The following SGCZ variants were observed in gnomAD, a reference collection of about 807,000 sequenced individuals.
The protein encoded by SGCZ is sarcoglycan zeta.
Under a neutral mutation model 41.3 loss-of-function variants are expected in SGCZ, and 40 were observed. The observed-to-expected ratio is 0.97, with a 90% confidence interval of 0.75 to 1.26. SGCZ has a LOEUF of 1.26. SGCZ is among the 50% of genes most tolerant of loss of function. The pLI is 0.00. For synonymous variants in SGCZ, 206 were observed against 137.5 expected (o/e 1.50, Z -3.49); for missense variants, 552 against 369.8 (o/e 1.49, Z -4.04).
intron 1 of SGCZ, among the ~76,000 whole-genome samples, chr8:14,759,528 C>G (rs565828348): frequency 6.6e-6 from 1 of 152,216 alleles, no homozygotes; most frequent in East Asian, 1.9e-4. Flanking sequence ...TCACAGAATG[C>G]TTTTCTACAT....
intron 1 of SGCZ, among the ~76,000 whole-genome samples, chr8:15,107,738 T>C (rs577321418): frequency 3.2e-4 from 49 of 152,290 alleles, no homozygotes; most frequent in African/African-American, 1.1e-3. Context: ...AAGTTCTCCA[T>C]ACCTCAATGT....
At chr8:15,101,974 T>C (rs929842137) in intron 1 of SGCZ, among the ~76,000 whole-genome samples, 3 of 152,160 alleles carry the variant, frequency 2.0e-5, no homozygotes, top group African/African-American at 4.8e-5. Flanking sequence ...TTGGCAGTTT[T>C]CTACAGAGCT....
At chr8:14,552,095 T>C (rs1373604410) in intron 2 of SGCZ, among the ~76,000 whole-genome samples, 1 of 152,022 alleles carries the variant, frequency 6.6e-6, no homozygotes, top group Admixed American at 6.6e-5. Context: ...CATGATTTTC[T>C]ACTTCTTACT....
intron 1 of SGCZ, among the ~76,000 whole-genome samples, chr8:15,016,774 T>C (rs1044272259): frequency 1.3e-5 from 2 of 152,196 alleles, no homozygotes; most frequent in South Asian, 2.1e-4. Context: ...CTGCAGGCTG[T>C]ATAAGCATGG....
intron 5 of SGCZ, among the ~76,000 whole-genome samples, chr8:14,142,968 G>A (rs188271124): frequency 8.2e-4 from 123 of 149,766 alleles, no homozygotes; most frequent in African/African-American, 2.7e-3. Flanking sequence ...CTGTGGAACC[G>A]TGAGCCAATA....
At chr8:14,737,000 TAAA>T (rs1799056058) in intron 1 of SGCZ, among the ~76,000 whole-genome samples, 1 of 151,182 alleles carries the variant, frequency 6.6e-6, no homozygotes, top group Non-Finnish European at 1.5e-5. Flanking sequence ...AACAAGTGGA[TAAA>T]GAAACTCTGG....
At chr8:14,973,398 A>G (rs1333012765) in intron 1 of SGCZ, among the ~76,000 whole-genome samples, 2 of 152,136 alleles carry the variant, frequency 1.3e-5, no homozygotes, top group African/African-American at 4.8e-5. Flanking sequence ...CAACTAGCAA[A>G]CATAAGTGGG....
intron 1 of SGCZ, among the ~76,000 whole-genome samples, chr8:14,730,558 A>T (rs1357602202): frequency 6.7e-6 from 1 of 148,748 alleles, no homozygotes; most frequent in Non-Finnish European, 1.5e-5. Flanking sequence ...ACAACATACA[A>T]CCCTAAAAGA....
intron 1 of SGCZ, among the ~76,000 whole-genome samples, chr8:14,716,928 C>T (rs889409028): frequency 5.9e-5 from 9 of 151,880 alleles, no homozygotes; most frequent in African/African-American, 2.2e-4. Context: ...TAATACAATG[C>T]AATTATATTT....
At chr8:15,177,859 T>G (rs1321356555) in intron 1 of SGCZ, among the ~76,000 whole-genome samples, 1 of 152,160 alleles carries the variant, frequency 6.6e-6, no homozygotes, top group Non-Finnish European at 1.5e-5. Context: ...GTCTAGACAC[T>G]TGGGGAAGCT....
chr8:14,387,522 G>C (rs936030176), intron 2 of SGCZ, among the ~76,000 whole-genome samples: 19 of 152,102 alleles, frequency 1.2e-4, no homozygotes, highest in African/African-American at 4.1e-4. Context: ...ATCATTGCTG[G>C]TAATTTTATT....
chr8:15,145,942 C>T (rs980767523), intron 1 of SGCZ, among the ~76,000 whole-genome samples: 7 of 151,986 alleles, frequency 4.6e-5, no homozygotes, highest in African/African-American at 7.2e-5. Context: ...TGTATAAACT[C>T]CAAAAAGGCA....
chr8:14,874,410 T>G (rs1804272594), intron 1 of SGCZ, among the ~76,000 whole-genome samples: 1 of 152,158 alleles, frequency 6.6e-6, no homozygotes, highest in African/African-American at 2.4e-5. Flanking sequence ...AGATTATTTT[T>G]AATTTTAACT....
intron 2 of SGCZ, among the ~76,000 whole-genome samples, chr8:14,429,111 T>C (rs911874109): frequency 6.6e-6 from 1 of 152,220 alleles, no homozygotes; most frequent in South Asian, 2.1e-4. Flanking sequence ...CAGAACATTA[T>C]AGTCAGATCT....
chr8:14,802,049 C>T (rs920294329), intron 1 of SGCZ, among the ~76,000 whole-genome samples: 2 of 152,090 alleles, frequency 1.3e-5, no homozygotes, highest in African/African-American at 4.8e-5. Flanking sequence ...GGAAGATGAA[C>T]AAATCTTCCC....
At chr8:14,290,882 C>T (rs914427954) in intron 3 of SGCZ, among the ~76,000 whole-genome samples, 15 of 152,212 alleles carry the variant, frequency 9.9e-5, no homozygotes, top group African/African-American at 3.6e-4. Flanking sequence ...GAAGAGATAT[C>T]TGCACTCCTA....
At chr8:14,784,541 T>C (rs1308895448) in intron 1 of SGCZ, among the ~76,000 whole-genome samples, 2 of 152,130 alleles carry the variant, frequency 1.3e-5, no homozygotes, top group Admixed American at 6.6e-5. Context: ...CCATTACTAA[T>C]TAAGAAGAGT....
intron 1 of SGCZ, among the ~76,000 whole-genome samples, chr8:15,200,795 C>G (rs1021916338): frequency 2.2e-4 from 34 of 152,096 alleles, no homozygotes; most frequent in Non-Finnish European, 1.2e-4. Context: ...AGACACAAAC[C>G]CACGTCTGCC....
chr8:14,389,037 G>A (rs1804669883), intron 2 of SGCZ, among the ~76,000 whole-genome samples: 1 of 151,770 alleles, frequency 6.6e-6, no homozygotes, highest in Non-Finnish European at 1.5e-5. Context: ...ATATAAAGTA[G>A]GAGACATTCA....
Sources: gnomAD v4.1 joint callset for allele counts (sites outside exome capture counted in the v4.1 genomes callset) on GRCh38, gnomAD v4.1.1 for gene constraint, MANE v1.5 for transcripts, NCBI Gene and HGNC (gene_info 2026-07-23, HGNC 2026-07-21) for gene names.